CNTN5: variants seen among roughly 807,000 people sequenced by gnomAD.
The protein encoded by CNTN5 is contactin-5.
In CNTN5, 77 loss-of-function variants were observed where a neutral mutation model predicts 129.1. That is an observed-to-expected ratio of 0.60 (90% confidence interval 0.50 to 0.72). The LOEUF (loss-of-function observed/expected upper bound fraction) is 0.72, where lower values mean the gene tolerates loss of function less well. Ranked by LOEUF, CNTN5 falls within the 30% of genes least tolerant of loss-of-function variation. CNTN5 has a pLI of 0.00. For missense variants in CNTN5, 1,478 were observed against 1,328.8 expected (o/e 1.11, Z -1.75); for synonymous variants, 509 against 465.6 (o/e 1.09, Z -1.20).
chr11:100,244,403 T>C (rs1039847119), intron 16 of CNTN5, among the ~76,000 whole-genome samples: 1 of 152,126 alleles, frequency 6.6e-6, no homozygotes, highest in South Asian at 2.1e-4. Flanking sequence ...AGATATGGAG[T>C]GAATTCCTAA....
At chr11:99,546,299 A>G (rs988257630) in intron 2 of CNTN5, among the ~76,000 whole-genome samples, 2 of 152,204 alleles carry the variant, frequency 1.3e-5, no homozygotes, top group Non-Finnish European at 2.9e-5. Flanking sequence ...CACAAAGACC[A>G]TTAGCAGGCA....
chr11:99,286,881 A>G (rs1461377551), intron 1 of CNTN5, among the ~76,000 whole-genome samples: 1 of 152,196 alleles, frequency 6.6e-6, no homozygotes, highest in Non-Finnish European at 1.5e-5. Context: ...AATATACCAC[A>G]TTTTAAAAAC....
chr11:99,569,603 T>A (rs1343593344), intron 3 of CNTN5, among the ~76,000 whole-genome samples: 1 of 152,136 alleles, frequency 6.6e-6, no homozygotes, highest in African/African-American at 2.4e-5. Flanking sequence ...TGAGCCACCA[T>A]TTTTAAGAAC....
chr11:99,824,466 T>G (rs1055082551), intron 4 of CNTN5, among the ~76,000 whole-genome samples: 2 of 151,996 alleles, frequency 1.3e-5, no homozygotes, highest in Admixed American at 6.5e-5. Flanking sequence ...TTACTTACAT[T>G]TAACTGTAGG....
intron 2 of CNTN5, among the ~76,000 whole-genome samples, chr11:99,347,363 G>T: frequency 6.6e-6 from 1 of 152,036 alleles, no homozygotes; most frequent in East Asian, 1.9e-4. Context: ...TCCAAACAAA[G>T]AAAATAAAGG....
chr11:99,257,654 A>G (rs1323917752), intron 1 of CNTN5, among the ~76,000 whole-genome samples: 1 of 152,060 alleles, frequency 6.6e-6, no homozygotes, highest in East Asian at 1.9e-4. Flanking sequence ...AAGTAGTTGA[A>G]TAAATATACT....
chr11:99,611,835 A>G (rs1361757499), intron 3 of CNTN5, among the ~76,000 whole-genome samples: 1 of 152,158 alleles, frequency 6.6e-6, no homozygotes, highest in Admixed American at 6.5e-5. Context: ...GCAGTTTTAT[A>G]CTTTTGGATA....
chr11:99,774,975 G>A (rs541205200), intron 3 of CNTN5, among the ~76,000 whole-genome samples: 55 of 152,092 alleles, frequency 3.6e-4, no homozygotes, highest in Non-Finnish European at 4.7e-4. Context: ...ACTTGAAAGC[G>A]TCACTTTGGT....
At chr11:99,742,745 G>A (rs927210378) in intron 3 of CNTN5, among the ~76,000 whole-genome samples, 8 of 152,124 alleles carry the variant, frequency 5.3e-5, no homozygotes, top group Admixed American at 2.6e-4. Context: ...CCTGCCTAGC[G>A]TTCCTTCTAC....
intron 9 of CNTN5, among the ~76,000 whole-genome samples, chr11:100,052,388 TGGAAAA>T (rs1474292628): frequency 1.3e-5 from 2 of 151,638 alleles, no homozygotes; most frequent in Admixed American, 6.6e-5. Context: ...GGCTTTGAGA[TGGAAAA>T]GGAAGGAATA....
At chr11:99,233,846 T>C (rs1434886965) in intron 1 of CNTN5, among the ~76,000 whole-genome samples, 2 of 152,040 alleles carry the variant, frequency 1.3e-5, no homozygotes, top group Non-Finnish European at 2.9e-5. Context: ...CTTGGGAGGC[T>C]GAGGCAGGAG....
chr11:99,275,398 T>G (rs551759043), intron 1 of CNTN5, among the ~76,000 whole-genome samples: 1 of 151,750 alleles, frequency 6.6e-6, no homozygotes, highest in Non-Finnish European at 1.5e-5. Context: ...TCATATTTTA[T>G]CTTTCTACCT....
intron 6 of CNTN5, among the ~76,000 whole-genome samples, chr11:99,913,740 G>A (rs1311507770): frequency 3.3e-5 from 5 of 151,994 alleles, no homozygotes; most frequent in Admixed American, 1.3e-4. Flanking sequence ...CATTAATTTA[G>A]GACTGTTTTC....
intron 3 of CNTN5, among the ~76,000 whole-genome samples, chr11:99,666,135 T>C (rs769563032): frequency 1.3e-5 from 2 of 151,968 alleles, no homozygotes; most frequent in African/African-American, 2.4e-5. Context: ...GCCCGGCTGA[T>C]TTTTGTATTT....
chr11:100,055,997 C>A (rs1943205255), intron 9 of CNTN5, among the ~76,000 whole-genome samples: 1 of 151,582 alleles, frequency 6.6e-6, no homozygotes, highest in African/African-American at 2.4e-5. Flanking sequence ...GTGCCTCATT[C>A]TGTATATGAA....
chr11:99,869,920 G>A (rs1229825969), intron 6 of CNTN5, among the ~76,000 whole-genome samples: 1 of 152,036 alleles, frequency 6.6e-6, no homozygotes, highest in Non-Finnish European at 1.5e-5. Context: ...TTAGCCTCCT[G>A]GCTGATGCAA....
chr11:99,976,751 T>C (rs1938000974), intron 8 of CNTN5, among the ~76,000 whole-genome samples: 1 of 152,226 alleles, frequency 6.6e-6, no homozygotes, highest in Non-Finnish European at 1.5e-5. Context: ...TTTTTCCTTC[T>C]TAGCCCTGTT....
At chr11:100,308,522 C>A (rs767019129) in intron 21 of CNTN5, 54 bp downstream of exon 21, 2 of 1,545,438 alleles carry the variant, frequency 1.3e-6, no homozygotes, top group South Asian at 1.2e-5. Context: ...ACATCACATT[C>A]TCCTAAAGAG....
chr11:99,945,162 C>G (rs1287565010), intron 7 of CNTN5, among the ~76,000 whole-genome samples: 1 of 151,972 alleles, frequency 6.6e-6, no homozygotes, highest in African/African-American at 2.4e-5. Flanking sequence ...TATCAGAGAG[C>G]CATTTAAGGT....
Sources: gnomAD v4.1 joint callset for allele counts (sites outside exome capture counted in the v4.1 genomes callset) on GRCh38, gnomAD v4.1.1 for gene constraint, MANE v1.5 for transcripts, NCBI Gene and HGNC (gene_info 2026-07-23, HGNC 2026-07-21) for gene names.